Variants in CEP112 observed in about 807,000 individuals in gnomAD.
CEP112 encodes centrosomal protein 112.
In CEP112, 127 loss-of-function variants were observed where a neutral mutation model predicts 153.0. That is an observed-to-expected ratio of 0.83 (90% CI 0.72 to 0.96). CEP112 has a LOEUF of 0.96. CEP112 is among the 40% of genes least tolerant of loss of function. CEP112 has a pLI of 0.00. For missense variants in CEP112, 1,089 were observed against 1,101.2 expected (o/e 0.99, Z 0.16); for synonymous variants, 358 against 374.4 (o/e 0.96, Z 0.51).
chr17:65,812,876 AT>A (rs1407569476), intron 21 of CEP112, among the ~76,000 whole-genome samples: 1 of 152,250 alleles, frequency 6.6e-6, no homozygotes, highest in African/African-American at 2.4e-5. Context: ...TTTAGAGTTT[AT>A]ATAGAATAAA....
At chr17:65,941,665 A>T (rs12941672) in intron 18 of CEP112, 3 of 152,144 alleles carry the variant, frequency 2.0e-5, no homozygotes, top group African/African-American at 7.2e-5. Context: ...TCAGGCTTCA[A>T]GAGAACCTAA....
At chr17:66,186,263 G>C (rs1289653083) in intron 1 of CEP112, among the ~76,000 whole-genome samples, 4 of 152,198 alleles carry the variant, frequency 2.6e-5, no homozygotes, top group Middle Eastern at 3.4e-3. Context: ...AAACCCGTCT[G>C]AAACTAGCCT....
chr17:66,135,778 T>C (rs977387519), intron 4 of CEP112, among the ~76,000 whole-genome samples: 2 of 152,138 alleles, frequency 1.3e-5, no homozygotes, highest in African/African-American at 4.8e-5. Flanking sequence ...ATGCTGATTC[T>C]TAATACTAGA....
chr17:66,127,569 C>T (rs2069907222), intron 6 of CEP112, among the ~76,000 whole-genome samples: 1 of 152,032 alleles, frequency 6.6e-6, no homozygotes, highest in Non-Finnish European at 1.5e-5. Flanking sequence ...CATTTCCCAA[C>T]CTTCTAACTG....
chr17:66,141,399 GT>G (rs962543786), intron 4 of CEP112, among the ~76,000 whole-genome samples: 1 of 112,788 alleles, frequency 8.9e-6, no homozygotes, highest in Non-Finnish European at 2.0e-5. Flanking sequence ...TTTTAAAATA[GT>G]TTTTTTCTTT....
intron 23 of CEP112, among the ~76,000 whole-genome samples, chr17:65,702,095 T>A (rs2048671218): frequency 6.6e-6 from 1 of 151,976 alleles, no homozygotes; most frequent in Non-Finnish European, 1.5e-5. Flanking sequence ...AGGCTGGTGT[T>A]GAACTCCTGA....
chr17:65,720,991 TTATC>T (rs1484470665), intron 23 of CEP112, among the ~76,000 whole-genome samples: 1 of 140,464 alleles, frequency 7.1e-6, no homozygotes, highest in East Asian at 2.1e-4. Context: ...CTTTTAAGTT[TTATC>T]TCTCTCTCTC....
chr17:66,054,245 A>T (rs1444410566), intron 11 of CEP112, among the ~76,000 whole-genome samples: 1 of 152,204 alleles, frequency 6.6e-6, no homozygotes, highest in Non-Finnish European at 1.5e-5. Context: ...CTAATTAGGA[A>T]TATTGTCCCA....
intron 17 of CEP112, among the ~76,000 whole-genome samples, chr17:65,993,666 A>T (rs2063677062): frequency 6.6e-6 from 1 of 152,242 alleles, no homozygotes; most frequent in African/African-American, 2.4e-5. Flanking sequence ...ACAAATGAGC[A>T]TGTAAAAACT....
At chr17:66,173,321 T>A (rs1243150690) in intron 4 of CEP112, among the ~76,000 whole-genome samples, 1 of 152,216 alleles carries the variant, frequency 6.6e-6, no homozygotes, top group East Asian at 1.9e-4. Context: ...GATTTCTAGG[T>A]GTCCAGTTTT....
intron 19 of CEP112, among the ~76,000 whole-genome samples, chr17:65,924,688 C>T (rs1404036058): frequency 2.6e-5 from 4 of 152,118 alleles, no homozygotes; most frequent in Non-Finnish European, 4.4e-5. Flanking sequence ...ACAAAATATG[C>T]TACATAGCTC....
chr17:65,893,853 T>G (rs1420853771), intron 20 of CEP112, among the ~76,000 whole-genome samples: 1 of 152,096 alleles, frequency 6.6e-6, no homozygotes, highest in Non-Finnish European at 1.5e-5. Flanking sequence ...TGATTCCAAT[T>G]AGTCCTGAAT....
chr17:65,890,610 C>G (rs1331088698), intron 20 of CEP112, among the ~76,000 whole-genome samples: 1 of 152,142 alleles, frequency 6.6e-6, no homozygotes, highest in African/African-American at 2.4e-5. Flanking sequence ...ATATAACCTT[C>G]TATTTCCATA....
intron 21 of CEP112, among the ~76,000 whole-genome samples, chr17:65,759,020 T>C (rs2094680250): frequency 6.6e-6 from 1 of 152,086 alleles, no homozygotes; most frequent in South Asian, 2.1e-4. Flanking sequence ...ATACAGACCT[T>C]GCTGATAAAA....
intron 20 of CEP112, among the ~76,000 whole-genome samples, chr17:65,859,380 T>C (rs9914034): frequency 0.86 from 128,156 of 148,356 alleles, 55,568 homozygotes; most frequent in East Asian, 0.95. Context: ...GCGGAGGTTG[T>C]AGTGAGCTGA....
chr17:65,698,004 T>G (rs186827602), intron 23 of CEP112, among the ~76,000 whole-genome samples: 7 of 152,254 alleles, frequency 4.6e-5, no homozygotes, highest in Admixed American at 4.6e-4. Flanking sequence ...TTTTTTCACA[T>G]CCAAGCAACA....
chr17:65,654,830 T>C (rs779086852), intron 24 of CEP112: 23 of 408,960 alleles, frequency 5.6e-5, no homozygotes, highest in Admixed American at 3.4e-5. Flanking sequence ...ACTGTCTGAA[T>C]TTGTTCATGA....
At chr17:65,815,801 C>T (rs1487095297) in intron 21 of CEP112, among the ~76,000 whole-genome samples, 1 of 152,070 alleles carries the variant, frequency 6.6e-6, no homozygotes, top group Non-Finnish European at 1.5e-5. Flanking sequence ...ATTGCAAATA[C>T]ATAAAAATAT....
intron 16 of CEP112, among the ~76,000 whole-genome samples, chr17:66,017,841 A>G (rs1222314929): frequency 6.6e-6 from 1 of 152,120 alleles, no homozygotes; most frequent in Non-Finnish European, 1.5e-5. Flanking sequence ...CTCTACTAAA[A>G]ATAGAAAAAT....
Sources: allele counts gnomAD v4.1 joint callset (sites outside exome capture counted in the v4.1 genomes callset), GRCh38; gene constraint gnomAD v4.1.1; transcripts MANE v1.5; gene names NCBI Gene and HGNC (gene_info 2026-07-23, HGNC 2026-07-21).